Variants in CPA6 observed in about 807,000 individuals in gnomAD.
CPA6 encodes the protein carboxypeptidase B.
A neutral mutation model predicts 63.3 loss-of-function variants in CPA6; 58 were observed. The ratio of observed to expected loss-of-function variants is 0.92; its 90% CI spans 0.74 to 1.14. The LOEUF (loss-of-function observed/expected upper bound fraction) is 1.14, where lower values mean the gene tolerates loss of function less well. Among genes scored for constraint, CPA6 ranks in the 50% most tolerant of loss-of-function variants. The pLI, the probability that CPA6 is intolerant of heterozygous loss-of-function variation, is 0.00. For missense variants in CPA6, 565 were observed against 526.6 expected (o/e 1.07, Z -0.71); for synonymous variants, 185 against 179.0 (o/e 1.03, Z -0.27).
intron 1 of CPA6, among the ~76,000 whole-genome samples, chr8:67,734,884 T>C (rs551865752): frequency 1.4e-3 from 212 of 152,304 alleles, no homozygotes; most frequent in African/African-American, 5.0e-3. Flanking sequence ...ATTAGTCTGG[T>C]AAGATAAAGA....
At chr8:67,710,970 T>C (rs537707112) in intron 1 of CPA6, among the ~76,000 whole-genome samples, 8 of 152,226 alleles carry the variant, frequency 5.3e-5, no homozygotes, top group African/African-American at 1.9e-4. Context: ...ATGCTCTCCA[T>C]AGTATATACT....
chr8:67,512,295 G>A (rs1812058450), intron 3 of CPA6, among the ~76,000 whole-genome samples: 1 of 152,074 alleles, frequency 6.6e-6, no homozygotes, highest in African/African-American at 2.4e-5. Flanking sequence ...ATCACCAAGA[G>A]ACTATGCTCA....
In CPA6 at chr8:67,444,116, G is replaced by T. The variant is rs558119401; in HGVS notation, c.839-9876C>A. Among the ~76,000 whole-genome samples the T allele has an allele frequency of 3.3e-5, 5 of 151,224 alleles. No homozygotes were observed. The East Asian group carries it at 8.0e-4, about 24-fold the overall frequency. ...ACGCCATTCTCCTGCCTCAGCCTCC[G>T]GAGTAGCTGGGATTACAGGCACCCG... On this transcript the variant is annotated intron_variant, in intron 8 of 10. Transcript: ENST00000297770.
Position 67,587,849 on chromosome 8 carries a change from G to C in CPA6, c.192+36327C>G, listed in dbSNP as rs148324327. 2.0e-3 allele frequency among the ~76,000 whole-genome samples: 297 copies of C among 152,222 alleles called. 1 individual carries two copies. Among genetic ancestry groups the C allele is most frequent in the Non-Finnish European group, 3.7e-3 (254 of 68,014 alleles). ...GATGATGAGAGCGATTGAAGCTGTG[G>C]GAAGACTGAGTTGATAATACTAGTG... On this transcript the variant is annotated intron_variant, in intron 2 of 10. Transcript: ENST00000297770.
intron 1 of CPA6, among the ~76,000 whole-genome samples, chr8:67,740,190 T>A (rs2129004191): frequency 6.6e-6 from 1 of 152,330 alleles, no homozygotes; most frequent in East Asian, 1.9e-4. Flanking sequence ...AGGTGCAAAC[T>A]GGGACAGTCC....
At chr8:67,726,075 C>A (rs1817590745) in intron 1 of CPA6, among the ~76,000 whole-genome samples, 1 of 152,056 alleles carries the variant, frequency 6.6e-6, no homozygotes, top group Admixed American at 6.6e-5. Context: ...CCTCTTTAAT[C>A]AAGGTTTTAG....
intron 2 of CPA6, among the ~76,000 whole-genome samples, chr8:67,580,241 C>T (rs764869927): frequency 6.6e-6 from 1 of 152,240 alleles, no homozygotes; most frequent in Non-Finnish European, 1.5e-5. Context: ...AGCCTACTGG[C>T]AGCTGTTAAG....
At chr8:67,531,246 G>T (rs1812471277) in intron 2 of CPA6, among the ~76,000 whole-genome samples, 1 of 151,856 alleles carries the variant, frequency 6.6e-6, no homozygotes, top group African/African-American at 2.4e-5. Flanking sequence ...AAGCAGAAAA[G>T]AAAAAAGCAT....
At chr8:67,716,963 G>A (rs1333724933) in intron 1 of CPA6, among the ~76,000 whole-genome samples, 1 of 152,210 alleles carries the variant, frequency 6.6e-6, no homozygotes, top group African/African-American at 2.4e-5. Flanking sequence ...TTTTAGAAAT[G>A]AGGGAGGAGT....
At chr8:67,561,139 A>C (rs1353737515) in intron 2 of CPA6, among the ~76,000 whole-genome samples, 3 of 152,188 alleles carry the variant, frequency 2.0e-5, no homozygotes, top group Non-Finnish European at 4.4e-5. Context: ...ATTTATAATT[A>C]CTACAAATTG....
chr8:67,710,751 T>TGG (rs113588595), intron 1 of CPA6, among the ~76,000 whole-genome samples: 7 of 147,272 alleles, frequency 4.8e-5, no homozygotes, highest in African/African-American at 1.7e-4. Flanking sequence ...TTTAGTCTGT[T>TGG]GGGGGGGGCT....
chr8:67,534,456 T>C (rs529959053), intron 2 of CPA6, among the ~76,000 whole-genome samples: 8 of 152,302 alleles, frequency 5.3e-5, no homozygotes, highest in African/African-American at 1.7e-4. Context: ...AAAGTACATA[T>C]ACAGTTCTTT....
intron 1 of CPA6, among the ~76,000 whole-genome samples, chr8:67,739,963 G>C (rs944957199): frequency 6.6e-6 from 1 of 152,146 alleles, no homozygotes; most frequent in East Asian, 1.9e-4. Context: ...AGGGAGAGGA[G>C]AGTACAAATG....
At chr8:67,517,228 T>A (rs1309132410) in intron 3 of CPA6, among the ~76,000 whole-genome samples, 1 of 152,228 alleles carries the variant, frequency 6.6e-6, no homozygotes, top group Non-Finnish European at 1.5e-5. Context: ...CACTTCTTCC[T>A]TTACTACTTA....
At chr8:67,633,719 TTTC>T (rs1351252514) in intron 1 of CPA6, among the ~76,000 whole-genome samples, 2 of 152,158 alleles carry the variant, frequency 1.3e-5, no homozygotes, top group African/African-American at 2.4e-5. Context: ...TCGTCAGATT[TTTC>T]TTATCTAGTG....
At chr8:67,467,705 T>G (rs536703659) in intron 8 of CPA6, among the ~76,000 whole-genome samples, 1 of 152,132 alleles carries the variant, frequency 6.6e-6, no homozygotes. Flanking sequence ...CTTCCAGCTT[T>G]AAAACCTGTA....
In CPA6 at chr8:67,673,388, A is replaced by ATAT. The variant is rs1240851771; in HGVS notation, c.117-49138_117-49137insATA. On this transcript the variant is annotated intron_variant, in intron 1 of 10. Coordinates refer to ENST00000297770, the MANE Select transcript of CPA6 (RefSeq NM_020361.5). ...TTATTATTATTATTATTATTTATTT[A>ATAT]TTTTTTTTTTTTTGAGACTGAATCT... 5.0e-3 allele frequency among the ~76,000 whole-genome samples: 669 copies of ATAT among 133,994 alleles called. 10 individuals are homozygous for ATAT. Among genetic ancestry groups the ATAT allele is most frequent in the African/African-American group, 0.018 (647 of 35,316 alleles). The allele number at this position is 133,994 out of a possible 152,430, so 87.9% of individuals were successfully genotyped here.
chr8:67,626,680 C>T (rs1008535996), intron 1 of CPA6, among the ~76,000 whole-genome samples: 1 of 151,806 alleles, frequency 6.6e-6, no homozygotes, highest in African/African-American at 2.4e-5. Flanking sequence ...TTCATCATAC[C>T]CTGGCCTTTC....
At chr8:67,640,273 C>T (rs1815560660) in intron 1 of CPA6, among the ~76,000 whole-genome samples, 1 of 151,342 alleles carries the variant, frequency 6.6e-6, no homozygotes, top group Non-Finnish European at 1.5e-5. Flanking sequence ...CCATTCATGG[C>T]ACCTAGGCTA....
Sources: allele counts gnomAD v4.1 joint callset (sites outside exome capture counted in the v4.1 genomes callset), GRCh38; gene constraint gnomAD v4.1.1; transcripts MANE v1.5; gene names NCBI Gene and HGNC (gene_info 2026-07-23, HGNC 2026-07-21).